EHBP1: variants seen among roughly 807,000 people sequenced by gnomAD.
The protein encoded by EHBP1 is EH domain-binding protein 1.
Under a neutral mutation model 144.0 loss-of-function variants are expected in EHBP1, and 55 were observed. The ratio of observed to expected loss-of-function variants is 0.38; its 90% CI spans 0.31 to 0.48. The LOEUF (loss-of-function observed/expected upper bound fraction) is 0.48, where lower values mean the gene tolerates loss of function less well. Among genes scored for constraint, EHBP1 ranks in the 20% least tolerant of loss-of-function variants. The probability of loss-of-function intolerance (pLI) is 0.98; values close to 1 mark genes in which losing one functional copy is unlikely to be tolerated. For missense variants in EHBP1, 1,200 were observed against 1,364.2 expected, an observed-to-expected ratio of 0.88 and a Z score of 1.90; for synonymous variants, 469 against 472.7, an observed-to-expected ratio of 0.99 and a Z score of 0.10.
chr2:62,880,436 CA>C (rs1227804014), intron 10 of EHBP1, among the ~76,000 whole-genome samples: 1 of 149,340 alleles, frequency 6.7e-6, no homozygotes, highest in Non-Finnish European at 1.5e-5. Flanking sequence ...AAACAAAAAA[CA>C]AAAACTCTTG....
At chr2:62,784,311 A>G (rs1257239560) in intron 5 of EHBP1, among the ~76,000 whole-genome samples, 2 of 152,116 alleles carry the variant, frequency 1.3e-5, no homozygotes, top group East Asian at 3.8e-4. Flanking sequence ...TATAAAGGAG[A>G]CCATTGTTCT....
At chr2:62,735,862 A>T (rs903516277) in intron 2 of EHBP1, among the ~76,000 whole-genome samples, 2 of 152,022 alleles carry the variant, frequency 1.3e-5, no homozygotes, top group African/African-American at 4.8e-5. Flanking sequence ...TCTTGTTTGC[A>T]TGGTTTCTGA....
chr2:62,831,180 C>G (rs777066548), intron 7 of EHBP1, 22 bp downstream of exon 7: 31 of 1,570,756 alleles, frequency 2.0e-5, no homozygotes, highest in Non-Finnish European at 2.6e-5. Context: ...TAGCATTAAA[C>G]TAAAAGTTTA....
chr2:62,941,529 G>C (rs1035983397), intron 10 of EHBP1, among the ~76,000 whole-genome samples: 1 of 152,056 alleles, frequency 6.6e-6, no homozygotes, highest in Non-Finnish European at 1.5e-5. Context: ...TATTTTAGTG[G>C]TGTTTCTTAG....
At chr2:62,888,600 T>C (rs918526983) in intron 10 of EHBP1, among the ~76,000 whole-genome samples, 3 of 152,238 alleles carry the variant, frequency 2.0e-5, no homozygotes, top group Non-Finnish European at 4.4e-5. Flanking sequence ...AACTTATTTG[T>C]GTACTTTAAC....
chr2:62,747,330 A>G (rs1207040669), intron 2 of EHBP1, 65 bp from the exon 3 acceptor site: 1 of 1,485,982 alleles, frequency 6.7e-7, no homozygotes. Context: ...GCCCTTTTAA[A>G]GGCGCTAAAA....
At chr2:62,760,411 A>G (rs2040673576) in intron 3 of EHBP1, among the ~76,000 whole-genome samples, 1 of 152,222 alleles carries the variant, frequency 6.6e-6, no homozygotes, top group African/African-American at 2.4e-5. Context: ...AGAAAGAAGC[A>G]GTGTACTAGC....
At chr2:62,777,945 A>G (rs933447302) in intron 5 of EHBP1, among the ~76,000 whole-genome samples, 3 of 152,218 alleles carry the variant, frequency 2.0e-5, no homozygotes, top group Admixed American at 6.5e-5. Flanking sequence ...GAGCTCCCCC[A>G]TTAAAGATTA....
chr2:62,740,772 T>C (rs2038626373), intron 2 of EHBP1, among the ~76,000 whole-genome samples: 1 of 152,186 alleles, frequency 6.6e-6, no homozygotes, highest in Non-Finnish European at 1.5e-5. Flanking sequence ...TAGGAAAAGC[T>C]TGGAGGCTTT....
At chr2:62,857,512 A>G (rs1271253861) in intron 7 of EHBP1, among the ~76,000 whole-genome samples, 1 of 152,230 alleles carries the variant, frequency 6.6e-6, no homozygotes, top group Non-Finnish European at 1.5e-5. Context: ...CAGTACTTTT[A>G]ATGTCAAATT....
At chr2:62,964,977 A>G (rs1558992887) in intron 14 of EHBP1, 1 of 152,656 alleles carries the variant, frequency 6.6e-6, no homozygotes, top group Non-Finnish European at 1.5e-5. Flanking sequence ...TGGTCAAGGT[A>G]ATTATAATAC....
At position 62,807,818 on chromosome 2, in the gene EHBP1, A is replaced by C. The variant is rs555810282; in HGVS notation, c.313-18269A>C. Among the ~76,000 whole-genome samples, 89 of 152,232 alleles carry C rather than the reference A, an allele frequency of 5.8e-4. 1 individual carries two copies. Among genetic ancestry groups the C allele is most frequent in the Non-Finnish European group, 2.4e-4 (16 of 68,012 alleles). ...AGGTTGGTAGGCTTTTTCTCTCAAAACTTTAAAATATTTCACTCCACACTT... is the reference window on the plus strand; with the variant it reads ...AGGTTGGTAGGCTTTTTCTCTCAAACCTTTAAAATATTTCACTCCACACTT... On this transcript the variant is annotated intron_variant, in intron 5 of 22. Coordinates refer to ENST00000431489, the MANE Select transcript of EHBP1 (RefSeq NM_001142616.3).
intron 14 of EHBP1, among the ~76,000 whole-genome samples, chr2:62,961,466 A>G (rs888924644): frequency 2.0e-5 from 3 of 151,990 alleles, no homozygotes; most frequent in African/African-American, 7.3e-5. Flanking sequence ...CTTTTGTTCT[A>G]TGAAGATTTT....
At chr2:62,951,364 C>T (rs2057372736) in intron 13 of EHBP1, among the ~76,000 whole-genome samples, 1 of 152,082 alleles carries the variant, frequency 6.6e-6, no homozygotes. Flanking sequence ...TTCTCCTAAT[C>T]ATAAACCTCA....
At chr2:62,898,575 C>T (rs1009019260) in intron 10 of EHBP1, among the ~76,000 whole-genome samples, 1 of 152,108 alleles carries the variant, frequency 6.6e-6, no homozygotes, top group Non-Finnish European at 1.5e-5. Flanking sequence ...AGAAGCCTTC[C>T]CTGAGTACCC....
intron 7 of EHBP1, among the ~76,000 whole-genome samples, chr2:62,835,416 A>G (rs1186455401): frequency 6.6e-6 from 1 of 152,238 alleles, no homozygotes; most frequent in East Asian, 1.9e-4. Context: ...TCTCTAATAA[A>G]TAAATAAGCC....
At chr2:62,706,163 T>A (rs1286388856) in intron 1 of EHBP1, 111 bp downstream of exon 1, 2 of 152,932 alleles carry the variant, frequency 1.3e-5, no homozygotes, top group African/African-American at 4.9e-5. Context: ...CCACCGCCTG[T>A]CTCCGCTGGG....
chr2:63,003,796 T>C (rs1056990487), intron 19 of EHBP1, among the ~76,000 whole-genome samples: 2 of 152,082 alleles, frequency 1.3e-5, no homozygotes, highest in African/African-American at 4.8e-5. Flanking sequence ...AAACTTGTTA[T>C]GCCTTCACCA....
intron 1 of EHBP1, among the ~76,000 whole-genome samples, chr2:62,688,625 T>C (rs577184652): frequency 6.6e-6 from 1 of 152,306 alleles, no homozygotes; most frequent in African/African-American, 2.4e-5. Flanking sequence ...TATTCCCCTC[T>C]TTCTCTTATG....
Sources: allele counts gnomAD v4.1 joint callset (sites outside exome capture counted in the v4.1 genomes callset), GRCh38; gene constraint gnomAD v4.1.1; transcripts MANE v1.5; gene names NCBI Gene and HGNC (gene_info 2026-07-23, HGNC 2026-07-21).